The following COL23A1 variants were observed in gnomAD, a reference collection of about 807,000 sequenced individuals.
COL23A1 encodes collagen alpha-1(XXIII) chain.
Under a neutral mutation model 99.3 loss-of-function variants are expected in COL23A1, and 97 were observed. That is an observed-to-expected ratio of 0.98 (90% confidence interval 0.83 to 1.16). The LOEUF is 1.16. Among genes scored for constraint, COL23A1 ranks in the 50% most tolerant of loss-of-function variants. The pLI is 0.00. For missense variants in COL23A1, 762 were observed against 757.4 expected, an observed-to-expected ratio of 1.01 and a Z score of -0.07; for synonymous variants, 320 against 308.2, an observed-to-expected ratio of 1.04 and a Z score of -0.40.
intron 2 of COL23A1, chr5:178,351,208 G>C (rs147871207): frequency 1.5e-4 from 23 of 152,326 alleles, no homozygotes; most frequent in Admixed American, 1.4e-3. Flanking sequence ...AGGTGAGCAG[G>C]GGGATTCTGG....
chr5:178,248,728 C>T (rs1764850412), intron 19 of COL23A1, among the ~76,000 whole-genome samples: 1 of 152,198 alleles, frequency 6.6e-6, no homozygotes, highest in South Asian at 2.1e-4. Flanking sequence ...ATCACCCCCA[C>T]TTTGGAGGTG....
chr5:178,346,987 C>A (rs1429747797), intron 2 of COL23A1, among the ~76,000 whole-genome samples: 1 of 152,120 alleles, frequency 6.6e-6, no homozygotes. Context: ...TGGTGGGTCT[C>A]CTTACGGCCT....
chr5:178,285,459 T>C (rs1757103373), intron 5 of COL23A1, among the ~76,000 whole-genome samples: 1 of 152,106 alleles, frequency 6.6e-6, no homozygotes, highest in Admixed American at 6.5e-5. Flanking sequence ...TTCTCAAAGG[T>C]GTTTTTCTTT....
At chr5:178,362,980 C>T (rs1328077942) in intron 2 of COL23A1, among the ~76,000 whole-genome samples, 6 of 95,090 alleles carry the variant, frequency 6.3e-5, no homozygotes, top group African/African-American at 2.4e-4. Flanking sequence ...CCCACAGCAA[C>T]CCACCCCCAC....
chr5:178,587,417 AAG>A (rs1764059304), intron 1 of COL23A1, among the ~76,000 whole-genome samples: 1 of 152,216 alleles, frequency 6.6e-6, no homozygotes, highest in Admixed American at 6.5e-5. Context: ...CAAGGGAACA[AAG>A]AGAGTGGGTC....
In COL23A1 at chr5:178,255,159, C is replaced by A; in HGVS notation, c.883-133G>T. On this transcript the variant is annotated intron_variant, in intron 15 of 28. Transcript: ENST00000390654. This position sits in a 1 kb window ranked among gnomAD's most constrained non-coding sequence, Gnocchi z 4.2. ...TCGTCACCCAGGCTGCACGCATGCCCCTCCCCAGGGTGGATGGAGGGAACG... is the reference window on the plus strand; with the variant it reads ...TCGTCACCCAGGCTGCACGCATGCCACTCCCCAGGGTGGATGGAGGGAACG... 1 of 731,312 alleles carries A rather than the reference C, an allele frequency of 1.4e-6. No homozygotes were observed. The highest frequency in any genetic ancestry group is 2.4e-6 in the Non-Finnish European group (1 of 422,542). The allele number at this position is 731,312 out of a possible 1,614,324, so 45.3% of individuals were successfully genotyped here. A position where few individuals can be genotyped will look rare whatever the true frequency, so the allele number is the denominator to read the frequency against.
Position 178,290,615 on chromosome 5 carries a change from G to T in COL23A1, c.407-246C>A, listed in dbSNP as rs1050607039. Among the ~76,000 whole-genome samples the T allele has an allele frequency of 6.6e-5, 10 of 152,342 alleles. 1 individual carries two copies. Among genetic ancestry groups the T allele is most frequent in the Non-Finnish European group, 2.9e-5 (2 of 68,034 alleles). On this transcript the variant is annotated intron_variant, in intron 3 of 28. Transcript: ENST00000390654. ...GTGGTGACAGTTCCCACATGCATGGGTGCATGCATTCATGTCACCAGGCAG... is the reference window on the plus strand; with the variant it reads ...GTGGTGACAGTTCCCACATGCATGGTTGCATGCATTCATGTCACCAGGCAG...
chr5:178,554,101 C>CCACG (rs1762146911), intron 2 of COL23A1, among the ~76,000 whole-genome samples: 1 of 152,124 alleles, frequency 6.6e-6, no homozygotes, highest in African/African-American at 2.4e-5. Context: ...GAGAATCGGG[C>CCACG]CACGCAGCCT....
At chr5:178,377,030 C>T (rs1054405801) in intron 2 of COL23A1, among the ~76,000 whole-genome samples, 10 of 152,166 alleles carry the variant, frequency 6.6e-5, no homozygotes, top group African/African-American at 7.2e-5. Flanking sequence ...AAGGGGTCAC[C>T]GGCTGGAGGA....
Position 178,555,157 on chromosome 5 carries a change from C to T in COL23A1, c.361+5525G>A, listed in dbSNP as rs118079675. The stretch of plus-strand genomic sequence containing the variant: ...ATGGCCTGCCCTCTGCATGGGTCTA[C>T]GTGTCCAAATCTCCTTTTATTACAG... On this transcript the variant is annotated intron_variant, in intron 2 of 28. Coordinates refer to ENST00000390654, the MANE Select transcript of COL23A1 (RefSeq NM_173465.4). 1.2e-3 allele frequency among the ~76,000 whole-genome samples: 178 copies of T among 152,308 alleles called. 4 individuals carry two copies. In the East Asian group the frequency reaches 0.032, roughly 27 times the overall value.
intron 2 of COL23A1, among the ~76,000 whole-genome samples, chr5:178,524,919 T>G (rs567256070): frequency 6.6e-6 from 1 of 152,236 alleles, no homozygotes; most frequent in South Asian, 2.1e-4. Flanking sequence ...GGGACTCCAT[T>G]TACACACGCA....
At chr5:178,267,419 A>G (rs1329573039) in intron 7 of COL23A1, 86 bp from the exon 8 acceptor site, 1 of 1,364,898 alleles carries the variant, frequency 7.3e-7, no homozygotes, top group South Asian at 1.3e-5. Flanking sequence ...CCAGTGCTTC[A>G]TAGACATGGT....
At chr5:178,288,804 G>A (rs1304085237) in intron 4 of COL23A1, among the ~76,000 whole-genome samples, 5 of 151,444 alleles carry the variant, frequency 3.3e-5, no homozygotes, top group Admixed American at 6.6e-5. Flanking sequence ...ATCGGGGGGC[G>A]TTCACTGTGG....
At chr5:178,418,303 G>A (rs892244260) in intron 2 of COL23A1, among the ~76,000 whole-genome samples, 1 of 152,132 alleles carries the variant, frequency 6.6e-6, no homozygotes, top group Admixed American at 6.5e-5. Flanking sequence ...ATAATTATCC[G>A]GCTAGCTGGG....
At chr5:178,456,597 C>T (rs1014279209) in intron 2 of COL23A1, among the ~76,000 whole-genome samples, 2 of 152,188 alleles carry the variant, frequency 1.3e-5, no homozygotes, top group African/African-American at 2.4e-5. Context: ...ACTCAGGAGG[C>T]TGAGGCAGGA....
intron 12 of COL23A1, 115 bp from the exon 13 acceptor site, chr5:178,257,682 G>T: frequency 9.6e-7 from 1 of 1,037,720 alleles, no homozygotes; most frequent in Non-Finnish European, 1.5e-6. Context: ...ACTGGCACAT[G>T]GTACCAGGCA....
At chr5:178,533,043 C>T (rs1760736123) in intron 2 of COL23A1, among the ~76,000 whole-genome samples, 1 of 152,132 alleles carries the variant, frequency 6.6e-6, no homozygotes, top group Non-Finnish European at 1.5e-5. Flanking sequence ...ATCACTTAGC[C>T]CCTCTGAGAG....
At chr5:178,263,138 G>T in intron 9 of COL23A1, 70 bp downstream of exon 9, 1 of 1,102,114 alleles carries the variant, frequency 9.1e-7, no homozygotes. Context: ...TGGGGATGGG[G>T]CTGGCTCTGG....
At chr5:178,318,229 C>G (rs1759081636) in intron 2 of COL23A1, among the ~76,000 whole-genome samples, 1 of 152,254 alleles carries the variant, frequency 6.6e-6, no homozygotes, top group Admixed American at 6.5e-5. Flanking sequence ...GGTTTTCTCA[C>G]ACATTTGTGG....
Sources: gnomAD v4.1 joint callset for allele counts (sites outside exome capture counted in the v4.1 genomes callset) on GRCh38, gnomAD v4.1.1 for gene constraint, Gnocchi (gnomAD v3.1) non-coding constraint, MANE v1.5 for transcripts, NCBI Gene and HGNC (gene_info 2026-07-23, HGNC 2026-07-21) for gene names.